ECSIT: variants seen among roughly 807,000 people sequenced by gnomAD.
ECSIT encodes evolutionarily conserved signaling intermediate in Toll pathway, mitochondrial.
ECSIT carries 29 observed loss-of-function variants against 36.8 expected under a neutral mutation model. The ratio of observed to expected loss-of-function variants is 0.79; its 90% confidence interval spans 0.59 to 1.08. ECSIT has a LOEUF of 1.08. Ranked by LOEUF, ECSIT falls within the 50% of genes least tolerant of loss-of-function variation. The probability of loss-of-function intolerance (pLI) is 0.00; values close to 1 mark genes in which losing one functional copy is unlikely to be tolerated. For missense variants in ECSIT, 542 were observed against 581.0 expected, an observed-to-expected ratio of 0.93 and a Z score of 0.69; for synonymous variants, 231 against 234.8, an observed-to-expected ratio of 0.98 and a Z score of 0.15.
Position 11,511,730 on chromosome 19 carries a change from A to G in ECSIT, c.738+1326T>C, listed in dbSNP as rs181597929. 6.0e-3 allele frequency among the ~76,000 whole-genome samples: 906 copies of G among 152,200 alleles called. 7 individuals carry two copies. The highest frequency in any genetic ancestry group is 0.01 in the Non-Finnish European group (703 of 67,994). The stretch of plus-strand genomic sequence containing the variant: ...GGGCTCTGCCTTCATGAATGAGATT[A>G]GTCCCCTTATAAAAAAGGTCTTGGC... On this transcript the variant is annotated intron_variant, in intron 4 of 7. Coordinates refer to ENST00000270517, the MANE Select transcript of ECSIT (RefSeq NM_016581.5).
At chr19:11,513,526 AAGAG>A (rs900459650) in intron 3 of ECSIT, among the ~76,000 whole-genome samples, 17 of 132,374 alleles carry the variant, frequency 1.3e-4, no homozygotes, top group Non-Finnish European at 1.8e-4. Flanking sequence ...TTCTAAAAGA[AAGAG>A]AGAAAGAGAG....
chr19:11,512,109 C>T (rs984275025), intron 4 of ECSIT, among the ~76,000 whole-genome samples: 1 of 151,322 alleles, frequency 6.6e-6, no homozygotes, highest in African/African-American at 2.4e-5. Flanking sequence ...CTTTGGGAGG[C>T]TAAGGTGGGT....
intron 1 of ECSIT, chr19:11,523,533 G>A (rs1314446981): frequency 1.1e-5 from 12 of 1,087,294 alleles, no homozygotes; most frequent in Middle Eastern, 3.1e-4. Context: ...GGCCTAGCAC[G>A]TGGAATCTGT....
chr19:11,514,929 C>T (rs1037075676), intron 2 of ECSIT, among the ~76,000 whole-genome samples: 2 of 151,486 alleles, frequency 1.3e-5, no homozygotes, highest in African/African-American at 4.9e-5. Flanking sequence ...ACCTCTGCCT[C>T]CCATGTTCAA....
intron 4 of ECSIT, among the ~76,000 whole-genome samples, chr19:11,511,199 G>A (rs1971864237): frequency 1.3e-5 from 2 of 152,196 alleles, no homozygotes; most frequent in Admixed American, 1.3e-4. Context: ...GCTGTGAGGG[G>A]CTCTCTTTGG....
At chr19:11,522,528 C>T (rs879570591) in intron 1 of ECSIT, 17 of 831,814 alleles carry the variant, frequency 2.0e-5, no homozygotes, top group Admixed American at 1.5e-4. Flanking sequence ...GTGTGCCCCA[C>T]GTAAACTCAG....
chr19:11,521,731 G>A (rs1355000705), intron 1 of ECSIT, among the ~76,000 whole-genome samples: 6 of 151,966 alleles, frequency 3.9e-5, no homozygotes, highest in African/African-American at 1.2e-4. Flanking sequence ...AGCCAAGATC[G>A]TGCCACTGCA....
At chr19:11,516,017 C>G (rs967993291) in intron 2 of ECSIT, 2 of 152,210 alleles carry the variant, frequency 1.3e-5, no homozygotes, top group African/African-American at 4.8e-5. Context: ...ATCCACCCAC[C>G]GTGGCCTCCC....
chr19:11,513,898 G>T lies in ECSIT; in HGVS notation c.420C>A (p.Val140=). The change falls in exon 3 of 8, where the codon GTC becomes GTA. Residue 140 remains valine, a synonymous_variant. Coordinates refer to ENST00000270517, the MANE Select transcript of ECSIT (RefSeq NM_016581.5). The part of the protein sequence containing the change: ...NQLLNIFPKE[V]FRPRNIIQRI... ...GCTGGATGATGTTGCGAGGCCGGAAGACCTCCTTGGGGAAGATGTTGAGCA... is the reference window on the plus strand; with the variant it reads ...GCTGGATGATGTTGCGAGGCCGGAATACCTCCTTGGGGAAGATGTTGAGCA... The T allele has an allele frequency of 6.2e-7, 1 of 1,614,202 alleles. No individual in the cohort carries two copies. The highest frequency in any genetic ancestry group is 8.5e-7 in the Non-Finnish European group (1 of 1,180,042).
chr19:11,509,903 C>G (rs1971836370), intron 4 of ECSIT, among the ~76,000 whole-genome samples: 1 of 150,950 alleles, frequency 6.6e-6, no homozygotes, highest in Non-Finnish European at 1.5e-5. Flanking sequence ...GAGTTTCGCT[C>G]TTGTTGCCCA....
chr19:11,506,245 A>G lies in ECSIT; in HGVS notation c.1235T>C (p.Leu412Pro). ...TSSAGLEEPPLPEDHQEEDDN... is the reference protein window; with the variant it reads ...TSSAGLEEPPPPEDHQEEDDN... ...GTCTTCTTCCTGGTGGTCCTCGGGC[A>G]GGGGCGGCTCCTCCAGCCCTGCAGA... is the stretch of plus-strand genomic sequence containing the variant. The change falls in exon 8 of 8, where the codon CTG (leucine) becomes CCG (proline). Residue 412 changes from leucine (L) to proline (P), a missense_variant. Physicochemically the swap from Leu to Pro is moderately conservative, Grantham distance 98. Transcript: ENST00000270517. 1 of 1,610,234 alleles carries G rather than the reference A, an allele frequency of 6.2e-7. No homozygotes were observed. The highest frequency in any genetic ancestry group is 8.5e-7 in the Non-Finnish European group (1 of 1,179,856).
chr19:11,508,769 G>T (rs548853688), intron 4 of ECSIT, among the ~76,000 whole-genome samples: 2 of 152,128 alleles, frequency 1.3e-5, no homozygotes, highest in Non-Finnish European at 2.9e-5. Flanking sequence ...GGCCTGGCTG[G>T]TCTCAAATTC....
chr19:11,507,822 G>A lies in ECSIT; in HGVS notation c.825C>T (p.Ala275=), dbSNP rs1971785132. ...GCCGGGCTGGATTGTGGCGGGCCAG[G>A]GCGGCCTGCTGATCGGGACTCTGGA... is the stretch of plus-strand genomic sequence containing the variant. ...VGIQSPDQQA[A]LARHNPARPV... Residue 275 remains alanine (A), a synonymous_variant, in exon 6 of 8, where the codon GCC becomes GCT. Transcript: ENST00000270517. 4 of 1,613,330 alleles carry A rather than the reference G, an allele frequency of 2.5e-6. No individual in the cohort carries two copies. Among genetic ancestry groups the A allele is most frequent in the Admixed American group, 1.7e-5 (1 of 60,004 alleles).
intron 1 of ECSIT, among the ~76,000 whole-genome samples, chr19:11,524,873 T>A (rs947167988): frequency 1.3e-5 from 2 of 152,242 alleles, no homozygotes; most frequent in Non-Finnish European, 2.9e-5. Context: ...GCGCAGTGGC[T>A]CATGCCTGTA....
chr19:11,508,089 C>G (rs748936576), intron 4 of ECSIT, 41 bp from the exon 5 acceptor site: 27 of 1,608,572 alleles, frequency 1.7e-5, no homozygotes, highest in Non-Finnish European at 2.2e-5. Flanking sequence ...AACCCCCAAT[C>G]CCCTACAGAG....
At chr19:11,518,965 G>A (rs751179188) in intron 2 of ECSIT, 110 bp downstream of exon 2, 19 of 896,334 alleles carry the variant, frequency 2.1e-5, no homozygotes, top group Non-Finnish European at 3.3e-5. Context: ...GCACTGATAG[G>A]CCAGCCCAGA....
At chr19:11,526,981 A>C (rs1421993363) in intron 1 of ECSIT, among the ~76,000 whole-genome samples, 1 of 151,452 alleles carries the variant, frequency 6.6e-6, no homozygotes, top group Non-Finnish European at 1.5e-5. Flanking sequence ...TGGCCTCCCA[A>C]AGTGCTAGGA....
At chr19:11,521,641 G>T (rs1299037102) in intron 1 of ECSIT, among the ~76,000 whole-genome samples, 1 of 151,842 alleles carries the variant, frequency 6.6e-6, no homozygotes, top group Admixed American at 6.6e-5. Flanking sequence ...CCAGGCTGGG[G>T]GCACACTCCT....
chr19:11,518,405 C>T (rs1017583768), intron 2 of ECSIT, among the ~76,000 whole-genome samples: 2 of 150,862 alleles, frequency 1.3e-5, no homozygotes, highest in African/African-American at 2.4e-5. Flanking sequence ...CCAGCTTTGG[C>T]GACAAGAGCA....
Sources: gnomAD v4.1 joint callset for allele counts (sites outside exome capture counted in the v4.1 genomes callset) on GRCh38, gnomAD v4.1.1 for gene constraint, MANE v1.5 for transcripts, NCBI Gene and HGNC (gene_info 2026-07-23, HGNC 2026-07-21) for gene names.